Variants in OR1J2 observed in about 807,000 individuals in gnomAD.
OR1J2 encodes the protein olfactory receptor 1J2.
For synonymous variants in OR1J2, 142 were observed against 99.7 expected, an observed-to-expected ratio of 1.42 and a Z score of -2.52; for missense variants, 304 against 246.1, an observed-to-expected ratio of 1.24 and a Z score of -1.57.
In OR1J2 at chr9:122,510,936, C is replaced by G; in HGVS notation, c.135C>G (p.Ile45Met). ...CCACGGTGCTGGGGAACCTGCTCAT[C>G]ATGCTGCTCATCCAGCTGGACTCTC... ...YLTTVLGNLL[I>M]MLLIQLDSHL... Residue 45 changes from isoleucine to methionine, a missense_variant, in exon 1 of 1, where the codon ATC becomes ATG. Ile to Met is a conservative substitution (Grantham distance 10, BLOSUM62 1). Coordinates refer to ENST00000335302, the MANE Select transcript of OR1J2 (RefSeq NM_054107.1). 1.9e-6 allele frequency: 3 copies of G among 1,612,556 alleles called. No homozygotes were observed. The highest frequency in any genetic ancestry group is 2.5e-6 in the Non-Finnish European group (3 of 1,178,578).
chr9:122,569,228 A>G, the OR1J2 span, among the ~76,000 whole-genome samples: 1 of 151,992 alleles, frequency 6.6e-6, no homozygotes, highest in Non-Finnish European at 1.5e-5. Context: ...CTTTTTTTGT[A>G]AATTGTTTTT....
the OR1J2 span, among the ~76,000 whole-genome samples, chr9:122,537,668 A>G: frequency 6.6e-6 from 1 of 152,206 alleles, no homozygotes; most frequent in African/African-American, 2.4e-5. Flanking sequence ...CTTCCTATCC[A>G]TGAGCACAGG....
the OR1J2 span, among the ~76,000 whole-genome samples, chr9:122,492,336 C>A: frequency 4.2e-4 from 64 of 152,204 alleles, no homozygotes; most frequent in African/African-American, 1.5e-3. Flanking sequence ...TGATTTCATT[C>A]TTTTTATGGC....
the OR1J2 span, among the ~76,000 whole-genome samples, chr9:122,569,790 T>G: frequency 6.6e-6 from 1 of 152,140 alleles, no homozygotes; most frequent in African/African-American, 2.4e-5. Context: ...TAACTCGTCA[T>G]TTAGCATTAG....
chr9:122,577,666 A>G, the OR1J2 span, among the ~76,000 whole-genome samples: 1 of 152,234 alleles, frequency 6.6e-6, no homozygotes, highest in South Asian at 2.1e-4. Flanking sequence ...TAGTATTAAC[A>G]CTGAGAGTGC....
chr9:122,509,789 A>C (rs1344709557), upstream of OR1J2, among the ~76,000 whole-genome samples: 1 of 152,226 alleles, frequency 6.6e-6, no homozygotes, highest in Non-Finnish European at 1.5e-5. Context: ...GAATCCTTTG[A>C]GAATTTTTAG....
the OR1J2 span, chr9:122,448,896 C>G: frequency 2.7e-5 from 4 of 145,502 alleles, no homozygotes; most frequent in Non-Finnish European, 6.0e-5. Flanking sequence ...GACACAGTAA[C>G]AGTCTGACCT....
At position 122,510,861 on chromosome 9, in the gene OR1J2, G is replaced by A. The variant is rs1433578252; in HGVS notation, c.60G>A (p.Arg20=). ...TCCTCCTTCTGGGCCTCCCCATCCGGCCAGAGCAGCAGGCTGTGTTCTTCA... is the reference window on the plus strand; with the variant it reads ...TCCTCCTTCTGGGCCTCCCCATCCGACCAGAGCAGCAGGCTGTGTTCTTCA... The part of the protein sequence containing the change: ...SEFLLLGLPI[R]PEQQAVFFTL... Residue 20 remains arginine, a synonymous_variant, in exon 1 of 1, where the codon CGG becomes CGA. Coordinates refer to ENST00000335302, the MANE Select transcript of OR1J2 (RefSeq NM_054107.1). The A allele has an allele frequency of 1.2e-6, 2 of 1,610,348 alleles. No homozygotes were observed. The highest frequency in any genetic ancestry group is 2.7e-5 in the African/African-American group (2 of 74,830).
At chr9:122,553,096 T>TG in the OR1J2 span, 1 of 972,712 alleles carries the variant, frequency 1.0e-6, no homozygotes, top group Non-Finnish European at 1.5e-6. Context: ...ATTTTTCTTT[T>TG]CTTTTTCTCC....
upstream of OR1J2, among the ~76,000 whole-genome samples, chr9:122,507,279 TA>T (rs146951701): frequency 9.1e-3 from 1,381 of 152,216 alleles, 24 homozygotes; most frequent in African/African-American, 0.031. Context: ...AGAATGGAGT[TA>T]AAAAGGGTCA....
chr9:122,472,194 C>A, the OR1J2 span, among the ~76,000 whole-genome samples: 1 of 152,152 alleles, frequency 6.6e-6, no homozygotes, highest in African/African-American at 2.4e-5. Flanking sequence ...TGTATGTTCT[C>A]CCCCTGGATT....
the OR1J2 span, among the ~76,000 whole-genome samples, chr9:122,542,832 G>C: frequency 2.0e-5 from 3 of 152,170 alleles, no homozygotes; most frequent in Non-Finnish European, 4.4e-5. Context: ...TGTAGATTAA[G>C]TTTGCTTTTC....
At chr9:122,527,431 T>C in the OR1J2 span, 1 of 608,352 alleles carries the variant, frequency 1.6e-6, no homozygotes, top group Non-Finnish European at 2.9e-6. Flanking sequence ...TGATCCTGCT[T>C]CTTTTCTCTC....
chr9:122,577,332 A>G, the OR1J2 span, among the ~76,000 whole-genome samples: 1 of 152,196 alleles, frequency 6.6e-6, no homozygotes, highest in African/African-American at 2.4e-5. Context: ...GCAGACTTCA[A>G]ATTTAAGGGC....
the OR1J2 span, among the ~76,000 whole-genome samples, chr9:122,479,208 C>T: frequency 6.6e-6 from 1 of 152,168 alleles, no homozygotes; most frequent in East Asian, 1.9e-4. Context: ...AGCATTGGCT[C>T]AGTGAGATTT....
At chr9:122,477,673 A>G in the OR1J2 span, 3 of 1,614,110 alleles carry the variant, frequency 1.9e-6, no homozygotes, top group African/African-American at 1.3e-5. Context: ...CTGAGTCTGC[A>G]TGTTCATCAG....
the OR1J2 span, among the ~76,000 whole-genome samples, chr9:122,574,862 AT>A: frequency 1.3e-5 from 2 of 151,972 alleles, no homozygotes; most frequent in African/African-American, 4.8e-5. Context: ...AAGTTGAGGA[AT>A]TTTCCTTCTA....
At chr9:122,516,911 C>A in the OR1J2 span, among the ~76,000 whole-genome samples, 1 of 152,026 alleles carries the variant, frequency 6.6e-6, no homozygotes, top group Non-Finnish European at 1.5e-5. Flanking sequence ...GATGAAGTGG[C>A]CTTGTGGCAC....
At chr9:122,554,431 T>A in the OR1J2 span, among the ~76,000 whole-genome samples, 1 of 152,190 alleles carries the variant, frequency 6.6e-6, no homozygotes, top group East Asian at 1.9e-4. Flanking sequence ...AACCAGCATA[T>A]TAGCCATAGT....
Sources: allele counts gnomAD v4.1 joint callset (sites outside exome capture counted in the v4.1 genomes callset), GRCh38; gene constraint gnomAD v4.1.1; transcripts MANE v1.5; gene names NCBI Gene and HGNC (gene_info 2026-07-23, HGNC 2026-07-21).